SMIM29: variants seen among roughly 807,000 people sequenced by gnomAD.
SMIM29 encodes the protein small integral membrane protein 29.
Under a neutral mutation model 12.9 loss-of-function variants are expected in SMIM29, and 4 were observed. The ratio of observed to expected loss-of-function variants is 0.31; its 90% CI spans 0.15 to 0.71. SMIM29 has a LOEUF of 0.71. Among genes scored for constraint, SMIM29 ranks in the 30% least tolerant of loss-of-function variants. The pLI is 0.70. For missense variants in SMIM29, 122 were observed against 138.1 expected (o/e 0.88, Z 0.58); for synonymous variants, 50 against 52.0 (o/e 0.96, Z 0.17).
In SMIM29 at chr6:34,246,696, G is replaced by A. The variant is rs141866070; in HGVS notation, c.*107C>T. On this transcript the variant is annotated 3_prime_UTR_variant, in exon 5 of 5. Transcript: ENST00000476320. Reference sequence around the variant, plus strand: ...GAGGGTGGGTGGAGGGAGAAATGGAGACCCAGCACCCAGCAGGGGGAGCCA... The same window carrying A: ...GAGGGTGGGTGGAGGGAGAAATGGAAACCCAGCACCCAGCAGGGGGAGCCA... 14 of 1,613,786 alleles carry A rather than the reference G, an allele frequency of 8.7e-6. No homozygotes were observed. The African/African-American group carries it at 1.9e-4, about 22-fold the overall frequency.
Position 34,246,818 on chromosome 6 carries a change from C to T in SMIM29, c.294G>A (p.Leu98=). ...SGYQHKRMPL[L]DVKT is the part of the protein sequence containing the mutation. ...GGGGGTCAGGTCACGTCTTGACATC[C>T]AGCAGTGGCATCCGCTTGTGCTGGT... The change falls in exon 5 of 5, where the codon CTG becomes CTA. Residue 98 remains leucine, a synonymous_variant. Coordinates refer to ENST00000476320, the MANE Select transcript of SMIM29 (RefSeq NM_001008703.4). The T allele has an allele frequency of 1.2e-5, 19 of 1,612,648 alleles. No individual in the cohort carries two copies. The highest frequency in any genetic ancestry group is 1.4e-5 in the Non-Finnish European group (17 of 1,179,804).
intron 3 of SMIM29, 136 bp from the exon 4 acceptor site, chr6:34,247,285 ATACAACCCTGATTC>A: frequency 6.4e-7 from 1 of 1,555,148 alleles, no homozygotes; most frequent in Non-Finnish European, 8.7e-7. Flanking sequence ...ACCTCCAAGA[ATACAACCCTGATTC>A]TACAAAGGGG....
Position 34,246,755 on chromosome 6 carries a change from A to C in SMIM29, c.*48T>G, listed in dbSNP as rs368008356. The C allele has an allele frequency of 5.7e-5, 92 of 1,613,388 alleles. No homozygotes were observed. Among genetic ancestry groups the C allele is most frequent in the Non-Finnish European group, 7.3e-5 (86 of 1,179,962 alleles). On this transcript the variant is annotated 3_prime_UTR_variant, in exon 5 of 5. Transcript: ENST00000476320. ...CAGGGGAAGCAGATGGCAGGGCCCCAGGCAGTCCAGGACCCCAGGCTCTGA... is the reference window on the plus strand; with the variant it reads ...CAGGGGAAGCAGATGGCAGGGCCCCCGGCAGTCCAGGACCCCAGGCTCTGA...
Position 34,246,407 on chromosome 6 carries a change from AT to A in SMIM29, c.*395del. On this transcript the variant is annotated 3_prime_UTR_variant, in exon 5 of 5. Coordinates refer to ENST00000476320, the MANE Select transcript of SMIM29 (RefSeq NM_001008703.4). ...AAATCAAAACCCCTAGCCACAAAACATTTTATTTACAAAATATATACTGAAT... is the reference window on the plus strand; with the variant it reads ...AAATCAAAACCCCTAGCCACAAAACATTTATTTACAAAATATATACTGAAT... The A allele has an allele frequency of 7.8e-7, 1 of 1,278,574 alleles. No homozygotes were observed. Among genetic ancestry groups the A allele is most frequent in the South Asian group, 2.0e-5 (1 of 51,118 alleles). The allele number at this position is 1,278,574 out of a possible 1,614,324, so 79.2% of individuals were successfully genotyped here. A position where few individuals can be genotyped will look rare whatever the true frequency, so the allele number is the denominator to read the frequency against.
Position 34,247,826 on chromosome 6 carries a change from G to A in SMIM29, c.-35C>T, listed in dbSNP as rs951594469. The stretch of plus-strand genomic sequence containing the variant: ...AGCCGGAGGGCTGGGTGGTCAGCAT[G>A]GGCAGTGGCGCTTCGGGAGGGCGCC... On this transcript the variant is annotated 5_prime_UTR_variant, in exon 2 of 5. Coordinates refer to ENST00000476320, the MANE Select transcript of SMIM29 (RefSeq NM_001008703.4). 7.9e-7 allele frequency: 1 copy of A among 1,272,330 alleles called. No individual in the cohort carries two copies. The highest frequency in any genetic ancestry group is 9.9e-7 in the Non-Finnish European group (1 of 1,012,962). 78.8% of individuals were successfully genotyped at this position (1,272,330 alleles called of 1,614,324 possible). A position where few individuals can be genotyped will look rare whatever the true frequency, so the allele number is the denominator to read the frequency against.
Position 34,246,688 on chromosome 6 carries a change from G to C in SMIM29, c.*115C>G, listed in dbSNP as rs1449366363. 6 of 1,613,806 alleles carry C rather than the reference G, an allele frequency of 3.7e-6. No homozygotes were observed. Among genetic ancestry groups the C allele is most frequent in the Non-Finnish European group, 5.1e-6 (6 of 1,179,968 alleles). Reference sequence around the variant, plus strand: ...ATGCTGCTGAGGGTGGGTGGAGGGAGAAATGGAGACCCAGCACCCAGCAGG... The same window carrying C: ...ATGCTGCTGAGGGTGGGTGGAGGGACAAATGGAGACCCAGCACCCAGCAGG... On this transcript the variant is annotated 3_prime_UTR_variant, in exon 5 of 5. Transcript: ENST00000476320.
At chr6:34,248,130 G>A in intron 1 of SMIM29, 1 of 985,436 alleles carries the variant, frequency 1.0e-6, no homozygotes, top group Non-Finnish European at 1.2e-6. Context: ...TCAGATGCTG[G>A]CCAAACATTT....
At chr6:34,248,657 T>C (rs770078313) in intron 1 of SMIM29, 551 of 985,482 alleles carry the variant, frequency 5.6e-4, no homozygotes, top group Non-Finnish European at 6.4e-4. Context: ...CTTGAGTCTC[T>C]ATCAGAGGGC....
At chr6:34,248,438 G>C (rs1456262885) in intron 1 of SMIM29, 21 of 982,080 alleles carry the variant, frequency 2.1e-5, no homozygotes, top group Non-Finnish European at 2.5e-5. Flanking sequence ...TCGTGTGCCA[G>C]GGTGGACACG....
chr6:34,247,319 G>A (rs1762837633), intron 3 of SMIM29, 148 bp downstream of exon 3: 1 of 1,535,296 alleles, frequency 6.5e-7, no homozygotes, highest in African/African-American at 1.4e-5. Flanking sequence ...GCTTTCCCCA[G>A]TGAGTAACCT....
rs1402144736 is a variant in SMIM29 at position 34,247,074 on chromosome 6, CTGCTCAGCCTCATGCAG to C, written c.196_212del (p.Leu66GlyfsTer5). ...GGTCTCCCATGTCAGAGAGCAGCTCCTGCTCAGCCTCATGCAGTTCCTCAGCTGGGTCATAGCTGTAC... is the reference window on the plus strand; with the variant it reads ...GGTCTCCCATGTCAGAGAGCAGCTCCTTCCTCAGCTGGGTCATAGCTGTAC... On this transcript the variant is annotated frameshift_variant, in exon 4 of 5. Transcript: ENST00000476320. LOFTEE classifies it high-confidence loss of function. 5 of 1,614,020 alleles carry C rather than the reference CTGCTCAGCCTCATGCAG, an allele frequency of 3.1e-6. No homozygotes were observed. Among genetic ancestry groups the C allele is most frequent in the African/African-American group, 1.3e-5 (1 of 74,926 alleles).
At chr6:34,248,685 C>G in intron 1 of SMIM29, 1 of 985,496 alleles carries the variant, frequency 1.0e-6, no homozygotes. Flanking sequence ...GAGCGACCTA[C>G]CCCCGTGTCC....
rs569671994 is a variant in SMIM29, at chr6:34,247,035, A to G, written c.243+9T>C. 1.3e-4 allele frequency: 208 copies of G among 1,614,056 alleles called. No homozygotes were observed. The South Asian group carries it at 1.9e-3, about 15-fold the overall frequency. On this transcript the variant is annotated intron_variant, in intron 4 of 4. Transcript: ENST00000476320. Reference sequence around the variant, plus strand: ...TGCCTCATTCTCCCCCTGGCCCCCAAGTGCTCACCTTGGGGTCTCCCATGT... The same window carrying G: ...TGCCTCATTCTCCCCCTGGCCCCCAGGTGCTCACCTTGGGGTCTCCCATGT...
In SMIM29 at chr6:34,247,765, G is replaced by A; in HGVS notation, c.27C>T (p.Ala9=). Residue 9 remains alanine, a synonymous_variant, in exon 2 of 5, where the codon GCC becomes GCT. Coordinates refer to ENST00000476320, the MANE Select transcript of SMIM29 (RefSeq NM_001008703.4). ...CCATGGAGTCGCTGTTGGCCTGGGG[G>A]GCATTGGGCACAGTGGTGTTACTCA... The part of the protein sequence containing the change: MSNTTVPN[A]PQANSDSMVG... 2 of 1,354,316 alleles carry A rather than the reference G, an allele frequency of 1.5e-6. No homozygotes were observed. The highest frequency in any genetic ancestry group is 2.8e-5 in the East Asian group (1 of 35,432). 83.9% of individuals were successfully genotyped at this position (1,354,316 alleles called of 1,614,324 possible). A position where few individuals can be genotyped will look rare whatever the true frequency, so the allele number is the denominator to read the frequency against.
chr6:34,248,529 C>T (rs1036931555), intron 1 of SMIM29: 48 of 985,308 alleles, frequency 4.9e-5, no homozygotes, highest in Middle Eastern at 5.2e-4. Flanking sequence ...AGGTCCCTCC[C>T]CTCCTGGCCT....
intron 3 of SMIM29, 77 bp downstream of exon 3, chr6:34,247,390 C>G: frequency 1.3e-6 from 2 of 1,482,312 alleles, no homozygotes; most frequent in South Asian, 2.4e-5. Context: ...GGACATCTTA[C>G]AGAAAAGTCA....
Position 34,246,629 on chromosome 6 carries a change from G to A in SMIM29, c.*174C>T, listed in dbSNP as rs1272510746. 1.2e-6 allele frequency: 2 copies of A among 1,613,864 alleles called. No homozygotes were observed. Among genetic ancestry groups the A allele is most frequent in the South Asian group, 1.1e-5 (1 of 91,086 alleles). On this transcript the variant is annotated 3_prime_UTR_variant, in exon 5 of 5. Coordinates refer to ENST00000476320, the MANE Select transcript of SMIM29 (RefSeq NM_001008703.4). ...ACCCACAAAGGGCAGAAGGCCTGGG[G>A]GCAGTGAGGTGATGGTGAGGGCATG... is the stretch of plus-strand genomic sequence containing the variant.
chr6:34,246,598 C>G lies in SMIM29; in HGVS notation c.*205G>C. On this transcript the variant is annotated 3_prime_UTR_variant, in exon 5 of 5. Coordinates refer to ENST00000476320, the MANE Select transcript of SMIM29 (RefSeq NM_001008703.4). ...TGAGTGCCTGTGGGTGGGCGGTGAG[C>G]TCAACACCCACAAAGGGCAGAAGGC... is the stretch of plus-strand genomic sequence containing the variant. 1 of 1,612,712 alleles carries G rather than the reference C, an allele frequency of 6.2e-7. No homozygotes were observed. Among genetic ancestry groups the G allele is most frequent in the African/African-American group, 1.3e-5 (1 of 75,010 alleles).
In SMIM29 at chr6:34,248,631, C is replaced by G. The variant is rs1189302908; in HGVS notation, c.-74+348G>C. On this transcript the variant is annotated intron_variant, in intron 1 of 4. Transcript: ENST00000476320. ...AGTTTGCACGCTGATGGCCCAAGGT[C>G]CGCGACCCAGGTTCGCTTGAGTCTC... is the stretch of plus-strand genomic sequence containing the variant. 4 of 985,476 alleles carry G rather than the reference C, an allele frequency of 4.1e-6. No individual in the cohort carries two copies. The African/African-American group carries it at 7.0e-5, about 17-fold the overall frequency. The allele number at this position is 985,476 out of a possible 1,614,324, so 61.0% of individuals were successfully genotyped here. A position where few individuals can be genotyped will look rare whatever the true frequency, so the allele number is the denominator to read the frequency against.
Sources: allele counts gnomAD v4.1 joint callset, GRCh38; gene constraint gnomAD v4.1.1; transcripts MANE v1.5; gene names NCBI Gene and HGNC (gene_info 2026-07-23, HGNC 2026-07-21).